SV2B: variants seen among roughly 807,000 people sequenced by gnomAD.
The protein encoded by SV2B is synaptic vesicle glycoprotein 2B.
SV2B carries 41 observed loss-of-function variants against 73.9 expected under a neutral mutation model. The ratio of observed to expected loss-of-function variants is 0.56; its 90% CI spans 0.43 to 0.72. The LOEUF is 0.72. Ranked by LOEUF, SV2B falls within the 30% of genes least tolerant of loss-of-function variation. The probability of loss-of-function intolerance (pLI) is 0.00; values close to 1 mark genes in which losing one functional copy is unlikely to be tolerated. For synonymous variants in SV2B, 314 were observed against 314.2 expected (o/e 1.00, Z 0.01); for missense variants, 764 against 857.8 (o/e 0.89, Z 1.37).
chr15:91,255,406 T>A (rs2047649626), intron 4 of SV2B, among the ~76,000 whole-genome samples: 1 of 152,124 alleles, frequency 6.6e-6, no homozygotes, highest in Non-Finnish European at 1.5e-5. Flanking sequence ...CACTCATAAG[T>A]AGGAGCTAAG....
intron 1 of SV2B, among the ~76,000 whole-genome samples, chr15:91,199,273 C>T (rs182782125): frequency 6.6e-6 from 1 of 152,284 alleles, no homozygotes; most frequent in East Asian, 1.9e-4. Context: ...ACCCGTCACT[C>T]TCTGGGGGAA....
At position 91,176,153 on chromosome 15, in the gene SV2B, C is replaced by G. The variant is rs1161391886; in HGVS notation, c.-391-49720C>G. On this transcript the variant is annotated intron_variant, in intron 1 of 12. Coordinates refer to ENST00000394232, the MANE Select transcript of SV2B (RefSeq NM_001323032.3). ...GAACATGCGGTGTTTGGTTTTTTGT[C>G]CTTGTGATAGTTTACTGAGAATGAT... Among the ~76,000 whole-genome samples the G allele has an allele frequency of 2.0e-5, 3 of 150,030 alleles. 1 individual carries two copies. The highest frequency in any genetic ancestry group is 6.8e-5 in the Admixed American group (1 of 14,764).
chr15:91,178,997 T>G (rs1295131895), intron 1 of SV2B, among the ~76,000 whole-genome samples: 1 of 151,862 alleles, frequency 6.6e-6, no homozygotes, highest in African/African-American at 2.4e-5. Context: ...GGTGTCAATT[T>G]TGGATCTTTC....
chr15:91,283,997 C>A lies in SV2B; in HGVS notation c.1508-24C>A. 6.2e-7 allele frequency: 1 copy of A among 1,613,344 alleles called. No individual in the cohort carries two copies. Among genetic ancestry groups the A allele is most frequent in the Non-Finnish European group, 8.5e-7 (1 of 1,179,356 alleles). On this transcript the variant is annotated intron_variant, in intron 10 of 12. Coordinates refer to ENST00000394232, the MANE Select transcript of SV2B (RefSeq NM_001323032.3). This position sits in a 1 kb window ranked among gnomAD's most constrained non-coding sequence, Gnocchi z 4.3. ...TCCAGCTCCCTTCCACTTACATGAA[C>A]CGAAGGTTTCCTTCTCTCCCCAGAC...
intron 1 of SV2B, among the ~76,000 whole-genome samples, chr15:91,163,216 A>G (rs1399719666): frequency 6.6e-6 from 1 of 152,188 alleles, no homozygotes; most frequent in African/African-American, 2.4e-5. Context: ...ATAGTGCTCA[A>G]TAAACATACG....
intron 1 of SV2B, chr15:91,102,215 G>A (rs2041747753): frequency 6.6e-6 from 1 of 152,228 alleles, no homozygotes; most frequent in African/African-American, 2.4e-5. Flanking sequence ...CTTGTGTTAT[G>A]TATTTGCCAG....
rs2045452436 is a variant in SV2B at position 91,201,302 on chromosome 15, T to G, written c.-391-24571T>G. Among the ~76,000 whole-genome samples the G allele has an allele frequency of 2.6e-5, 4 of 152,198 alleles. No homozygotes were observed. The South Asian group carries it at 8.3e-4, about 32-fold the overall frequency. On this transcript the variant is annotated intron_variant, in intron 1 of 12. Coordinates refer to ENST00000394232, the MANE Select transcript of SV2B (RefSeq NM_001323032.3). The stretch of plus-strand genomic sequence containing the variant: ...TTTTAAAATACTAAAATGGTGCTGA[T>G]TGCATGGGAGCCACTGTTCTAGATA...
In SV2B at chr15:91,224,023, G is replaced by C. The variant is rs1173411799; in HGVS notation, c.-391-1850G>C. Among the ~76,000 whole-genome samples, 1 of 152,196 alleles carries C rather than the reference G, an allele frequency of 6.6e-6. No individual in the cohort carries two copies. Among genetic ancestry groups the C allele is most frequent in the Non-Finnish European group, 1.5e-5 (1 of 68,044 alleles). ...ACCCTGTAATGTTTGAGAACCACTGGTTTCCATCCTCTCAGAAGGAAATGC... is the reference window on the plus strand; with the variant it reads ...ACCCTGTAATGTTTGAGAACCACTGCTTTCCATCCTCTCAGAAGGAAATGC... On this transcript the variant is annotated intron_variant, in intron 1 of 12. Coordinates refer to ENST00000394232, the MANE Select transcript of SV2B (RefSeq NM_001323032.3). The surrounding 1 kb of genome is among the most constrained non-coding windows in gnomAD (Gnocchi z 4.9).
At chr15:91,262,552 TG>T in intron 6 of SV2B, among the ~76,000 whole-genome samples, 1 of 152,274 alleles carries the variant, frequency 6.6e-6, no homozygotes, top group African/African-American at 2.4e-5. Flanking sequence ...ACAGGTATTT[TG>T]TCACCCAGGT....
intron 1 of SV2B, among the ~76,000 whole-genome samples, chr15:91,147,544 C>A (rs28515044): frequency 2.0e-5 from 3 of 152,306 alleles, no homozygotes; most frequent in African/African-American, 7.2e-5. Context: ...TCTTTTTAGT[C>A]TGAGTGAGAT....
chr15:91,248,048 G>T (rs1045008489), intron 2 of SV2B, among the ~76,000 whole-genome samples: 3 of 152,160 alleles, frequency 2.0e-5, no homozygotes, highest in Admixed American at 2.0e-4. Context: ...ATGTCATAAA[G>T]ATCCTTGTCA....
Position 91,289,849 on chromosome 15 carries a change from C to A in SV2B, c.1868+169C>A, listed in dbSNP as rs376191207. 9.5e-4 allele frequency among the ~76,000 whole-genome samples: 145 copies of A among 152,234 alleles called. No homozygotes were observed. Among genetic ancestry groups the A allele is most frequent in the Middle Eastern group, 3.4e-3 (1 of 294 alleles). On this transcript the variant is annotated intron_variant, in intron 12 of 12. Transcript: ENST00000394232. The surrounding 1 kb of genome is among the most constrained non-coding windows in gnomAD (Gnocchi z 4.9). The stretch of plus-strand genomic sequence containing the variant: ...CTCCTGCATGGTGGATGGCATAGAC[C>A]TGAAAGTTGGCAGGCTAGGGCTTGG...
Position 91,100,802 on chromosome 15 carries a change from G to T in SV2B, c.-392+439G>T, listed in dbSNP as rs1213802252. 6.6e-6 allele frequency among the ~76,000 whole-genome samples: 1 copy of T among 152,234 alleles called. No homozygotes were observed. The highest frequency in any genetic ancestry group is 2.4e-5 in the African/African-American group (1 of 41,468). On this transcript the variant is annotated intron_variant, in intron 1 of 12. Coordinates refer to ENST00000394232, the MANE Select transcript of SV2B (RefSeq NM_001323032.3). This position sits in a 1 kb window ranked among gnomAD's most constrained non-coding sequence, Gnocchi z 6.4. Reference sequence around the variant, plus strand: ...GAATTCAAACGTGCTTACACCTGGTGGCTCTTGGGGTTTGTGAGTGTGTAT... The same window carrying T: ...GAATTCAAACGTGCTTACACCTGGTTGCTCTTGGGGTTTGTGAGTGTGTAT...
rs756090019 is a variant in SV2B, at chr15:91,124,352, G to T, written c.-392+23989G>T. Among the ~76,000 whole-genome samples the T allele has an allele frequency of 5.9e-4, 90 of 152,160 alleles. No homozygotes were observed. Among genetic ancestry groups the T allele is most frequent in the Non-Finnish European group, 8.1e-4 (55 of 68,034 alleles). ...CCCAGGCAGGACTCTTGGGAGGATT[G>T]TGAAGCTAATGGCACCTCCTTCCTC... is the stretch of plus-strand genomic sequence containing the variant. On this transcript the variant is annotated intron_variant, in intron 1 of 12. Transcript: ENST00000394232. This position sits in a 1 kb window ranked among gnomAD's most constrained non-coding sequence, Gnocchi z 4.6.
intron 2 of SV2B, 26 bp from the exon 3 acceptor site, chr15:91,251,793 C>G: frequency 1.2e-6 from 2 of 1,608,356 alleles, no homozygotes; most frequent in Non-Finnish European, 1.7e-6. Flanking sequence ...TCTCTCTATT[C>G]TCTCCTCTCC....
intron 1 of SV2B, among the ~76,000 whole-genome samples, chr15:91,143,912 G>T (rs758569178): frequency 6.6e-6 from 1 of 152,122 alleles, no homozygotes; most frequent in African/African-American, 2.4e-5. Flanking sequence ...TTCATCACTG[G>T]ATTCTTTAGA....
rs1313386256 is a variant in SV2B, at chr15:91,293,006, T to C, written c.*454T>C. The C allele has an allele frequency of 6.5e-6, 1 of 153,472 alleles. No homozygotes were observed. Among genetic ancestry groups the C allele is most frequent in the Non-Finnish European group, 1.4e-5 (1 of 68,984 alleles). The allele number at this position is 153,472 out of a possible 1,614,324, so 9.5% of individuals were successfully genotyped here. ...TAGAGTCATTATATGAAGATTGGGC[T>C]TGAAGTATATATTTTTGCATTTAAA... On this transcript the variant is annotated 3_prime_UTR_variant, in exon 13 of 13. Coordinates refer to ENST00000394232, the MANE Select transcript of SV2B (RefSeq NM_001323032.3).
rs181473350 is a variant in SV2B, at chr15:91,123,249, C to T, written c.-392+22886C>T. 1.2e-3 allele frequency among the ~76,000 whole-genome samples: 187 copies of T among 152,268 alleles called. No homozygotes were observed. Among genetic ancestry groups the T allele is most frequent in the Non-Finnish European group, 1.1e-3 (74 of 68,026 alleles). On this transcript the variant is annotated intron_variant, in intron 1 of 12. Transcript: ENST00000394232. This position sits in a 1 kb window ranked among gnomAD's most constrained non-coding sequence, Gnocchi z 4.7. Reference sequence around the variant, plus strand: ...CCATGTTCATACCACTGCATTGCAGCCTGGTAACAGAGCAAGACCTTGTCT... The same window carrying T: ...CCATGTTCATACCACTGCATTGCAGTCTGGTAACAGAGCAAGACCTTGTCT...
intron 6 of SV2B, 142 bp downstream of exon 6, chr15:91,260,551 T>A (rs2047873426): frequency 1.7e-6 from 1 of 605,852 alleles, no homozygotes; most frequent in South Asian, 2.8e-5. Flanking sequence ...TTATAATAAT[T>A]ATTCTTCACA....
Sources: gnomAD v4.1 joint callset for allele counts (sites outside exome capture counted in the v4.1 genomes callset) on GRCh38, gnomAD v4.1.1 for gene constraint, Gnocchi (gnomAD v3.1) non-coding constraint, MANE v1.5 for transcripts, NCBI Gene and HGNC (gene_info 2026-07-23, HGNC 2026-07-21) for gene names.